The following VPS35L variants were observed in gnomAD, a reference collection of about 807,000 sequenced individuals.
VPS35L encodes VPS35 endosomal protein-sorting factor-like.
VPS35L carries 83 observed loss-of-function variants against 133.0 expected under a neutral mutation model. The observed-to-expected ratio is 0.62, with a 90% CI of 0.52 to 0.75. VPS35L has a LOEUF of 0.75. VPS35L is among the 30% of genes least tolerant of loss of function. The pLI, the probability that VPS35L is intolerant of heterozygous loss-of-function variation, is 0.00. For missense variants in VPS35L, 1,083 were observed against 1,206.8 expected (o/e 0.90, Z 1.52); for synonymous variants, 423 against 449.9 (o/e 0.94, Z 0.76).
At chr16:19,567,606 C>G (rs1376661733) in intron 2 of VPS35L, among the ~76,000 whole-genome samples, 1 of 152,064 alleles carries the variant, frequency 6.6e-6, no homozygotes, top group Non-Finnish European at 1.5e-5. Flanking sequence ...GACTGCAGTT[C>G]AACTCCATTC....
At chr16:19,599,979 C>T (rs1283608188) in intron 8 of VPS35L, among the ~76,000 whole-genome samples, 3 of 152,058 alleles carry the variant, frequency 2.0e-5, no homozygotes, top group African/African-American at 4.8e-5. Context: ...AGGTGGAGGC[C>T]GTAGTGAGCT....
chr16:19,561,306 G>A lies in VPS35L; in HGVS notation c.18-3545G>A, dbSNP rs181218670. ...GAATGGCATGAACCTGGGAGGCGGA[G>A]CTTGCACTGAGCGGAGATCGCGCCA... On this transcript the variant is annotated intron_variant, in intron 1 of 30. Coordinates refer to ENST00000417362, the MANE Select transcript of VPS35L (RefSeq NM_020314.7). Among the ~76,000 whole-genome samples, 1,106 of 152,254 alleles carry A rather than the reference G, an allele frequency of 7.3e-3. 65 individuals are homozygous for A. The highest frequency in any genetic ancestry group is 0.065 in the Admixed American group (992 of 15,282).
intron 20 of VPS35L, among the ~76,000 whole-genome samples, chr16:19,638,977 A>G (rs1973703606): frequency 6.6e-6 from 1 of 152,146 alleles, no homozygotes; most frequent in Admixed American, 6.5e-5. Flanking sequence ...GTGGTGGTGC[A>G]TGCCTGTAGT....
chr16:19,652,602 A>G (rs1280590086), intron 26 of VPS35L: 1 of 156,134 alleles, frequency 6.4e-6, no homozygotes, highest in African/African-American at 2.4e-5. Flanking sequence ...CAGACAGATC[A>G]TAGAGCACAG....
At chr16:19,610,217 C>T (rs911223183) in intron 11 of VPS35L, 105 bp from the exon 12 acceptor site, 13 of 934,546 alleles carry the variant, frequency 1.4e-5, no homozygotes, top group Non-Finnish European at 2.1e-5. Context: ...CTTGATTTTT[C>T]CCCCCCTCCC....
At chr16:19,698,547 T>C (rs775449172) in intron 29 of VPS35L, among the ~76,000 whole-genome samples, 1 of 152,148 alleles carries the variant, frequency 6.6e-6, no homozygotes, top group Non-Finnish European at 1.5e-5. Flanking sequence ...GGGACACCTC[T>C]AGAATTCTAT....
rs1423230726 is a variant in VPS35L at position 19,569,443 on chromosome 16, A to C, written c.137A>C (p.Lys46Thr). The C allele has an allele frequency of 6.3e-7, 1 of 1,597,466 alleles. No individual in the cohort carries two copies. Among genetic ancestry groups the C allele is most frequent in the Non-Finnish European group, 8.5e-7 (1 of 1,172,866 alleles). Reference protein sequence around the residue: ...KPITVTESKTKKVNRKGSTSS... With the variant: ...KPITVTESKTTKVNRKGSTSS... Reference sequence around the variant, plus strand: ...TCACAGGTCACAGAGTCAAAGACAAAGAAAGTGAACCGGAAAGGAAGCACT... The same window carrying C: ...TCACAGGTCACAGAGTCAAAGACAACGAAAGTGAACCGGAAAGGAAGCACT... The change falls in exon 3 of 31, where the codon AAG (lysine) becomes ACG (threonine). Residue 46 changes from lysine (K) to threonine (T), a missense_variant. By Grantham distance (78) the Lys-to-Thr change is moderately conservative (BLOSUM62 -1). Coordinates refer to ENST00000417362, the MANE Select transcript of VPS35L (RefSeq NM_020314.7).
chr16:19,580,269 G>A (rs1019838151), intron 6 of VPS35L, among the ~76,000 whole-genome samples: 3 of 150,224 alleles, frequency 2.0e-5, no homozygotes, highest in Non-Finnish European at 4.4e-5. Context: ...ACGCGCCACC[G>A]TGCCCAGCTA....
In VPS35L at chr16:19,570,874, TATATA is replaced by T. The variant is rs1971353985; in HGVS notation, c.285+1284_285+1288del. Among the ~76,000 whole-genome samples, 12 of 88,256 alleles carry T rather than the reference TATATA, an allele frequency of 1.4e-4. 1 individual carries two copies. Among genetic ancestry groups the T allele is most frequent in the African/African-American group, 6.6e-4 (11 of 16,748 alleles). 57.9% of individuals were successfully genotyped at this position (88,256 alleles called of 152,430 possible). Reference sequence around the variant, plus strand: ...ATATATATATATATATATATATATATATATATATATATATATTTTTGAGATGAAGT... The same window carrying T: ...ATATATATATATATATATATATATATTATATATATATTTTTGAGATGAAGT... On this transcript the variant is annotated intron_variant, in intron 3 of 30. Transcript: ENST00000417362.
Position 19,644,954 on chromosome 16 carries a change from G to T in VPS35L, c.1929+5G>T. The T allele has an allele frequency of 6.3e-7, 1 of 1,580,596 alleles. No homozygotes were observed. The highest frequency in any genetic ancestry group is 8.7e-7 in the Non-Finnish European group (1 of 1,151,920). On this transcript the variant is annotated splice_donor_5th_base_variant and intron_variant, in intron 23 of 30. Transcript: ENST00000417362. ...ATTAATGGATTTATAAAAATGGTAA[G>T]TATTAGGGAAGAAGTTTCAGTGCAC...
In VPS35L at chr16:19,573,231, A is replaced by C; in HGVS notation, c.398A>C (p.Lys133Thr). The C allele has an allele frequency of 1.2e-6, 2 of 1,613,748 alleles. No homozygotes were observed. The highest frequency in any genetic ancestry group is 1.7e-6 in the Non-Finnish European group (2 of 1,179,762). ...EILARYTTTE[K>T]LSINLFMGSE... Reference sequence around the variant, plus strand: ...CTTGCCCGGTACACCACTACCGAAAAGCTGTCTATTGTGAGTACCAGGAGA... The same window carrying C: ...CTTGCCCGGTACACCACTACCGAAACGCTGTCTATTGTGAGTACCAGGAGA... Residue 133 changes from lysine to threonine, a missense_variant, in exon 4 of 31, where the codon AAG becomes ACG. Transcript: ENST00000417362.
intron 19 of VPS35L, among the ~76,000 whole-genome samples, chr16:19,635,456 A>C (rs1362591774): frequency 6.6e-6 from 1 of 152,240 alleles, no homozygotes; most frequent in Admixed American, 6.5e-5. Context: ...TTGTGAACTA[A>C]CACAGACTAA....
intron 10 of VPS35L, 29 bp from the exon 11 acceptor site, chr16:19,608,945 A>G (rs1419689975): frequency 1.2e-6 from 2 of 1,608,566 alleles, no homozygotes; most frequent in East Asian, 2.2e-5. Flanking sequence ...CTTCTGGAAA[A>G]CATCTTCCTT....
rs1042183169 is a variant in VPS35L at position 19,633,558 on chromosome 16, G to T, written c.1635+386G>T. ...TTGAAACAGGGTCTCGCTCAGTCACGGAGGCTGGAGTGCAGTGGTGCGATC... is the reference window on the plus strand; with the variant it reads ...TTGAAACAGGGTCTCGCTCAGTCACTGAGGCTGGAGTGCAGTGGTGCGATC... On this transcript the variant is annotated intron_variant, in intron 19 of 30. Transcript: ENST00000417362. The surrounding 1 kb of genome is among the most constrained non-coding windows in gnomAD (Gnocchi z 4.1). Among the ~76,000 whole-genome samples, 6 of 151,996 alleles carry T rather than the reference G, an allele frequency of 3.9e-5. No individual in the cohort carries two copies. Among genetic ancestry groups the T allele is most frequent in the African/African-American group, 1.5e-4 (6 of 41,354 alleles).
At chr16:19,587,371 T>A in intron 7 of VPS35L, 1 of 452,044 alleles carries the variant, frequency 2.2e-6, no homozygotes, top group Non-Finnish European at 4.4e-6. Flanking sequence ...GGCTCATGCC[T>A]GTAATCCCAG....
In VPS35L at chr16:19,591,828, C is replaced by T. The variant is rs1849567087; in HGVS notation, c.678C>T (p.Phe226=). 2 of 1,612,908 alleles carry T rather than the reference C, an allele frequency of 1.2e-6. No homozygotes were observed. Among genetic ancestry groups the T allele is most frequent in the Non-Finnish European group, 1.7e-6 (2 of 1,179,226 alleles). The change falls in exon 8 of 31, where the codon TTC becomes TTT. Residue 226 remains phenylalanine, a synonymous_variant. Transcript: ENST00000417362. ...TTTCAGACACCAGTGTTATTCAGTT[C>T]TACCCAAGCAAATTTGTCCTTATCA... ...KLLSDTSVIQ[F]YPSKFVLITD...
At chr16:19,696,593 G>A (rs1488696137) in intron 29 of VPS35L, among the ~76,000 whole-genome samples, 2 of 151,936 alleles carry the variant, frequency 1.3e-5, no homozygotes, top group Non-Finnish European at 2.9e-5. Flanking sequence ...AACCTCTGTG[G>A]CGAGGGGAGG....
intron 29 of VPS35L, among the ~76,000 whole-genome samples, chr16:19,697,151 C>CT (rs1384610458): frequency 1.3e-5 from 2 of 152,212 alleles, no homozygotes; most frequent in Non-Finnish European, 2.9e-5. Context: ...GCCCGCGGGC[C>CT]TGGGCGCCCA....
At chr16:19,657,557 C>G (rs952643217) in intron 26 of VPS35L, among the ~76,000 whole-genome samples, 2 of 152,148 alleles carry the variant, frequency 1.3e-5, no homozygotes, top group Non-Finnish European at 2.9e-5. Context: ...GTCTGCTTTT[C>G]CCCCTGTAAG....
Sources: gnomAD v4.1 joint callset for allele counts (sites outside exome capture counted in the v4.1 genomes callset) on GRCh38, gnomAD v4.1.1 for gene constraint, Gnocchi (gnomAD v3.1) non-coding constraint, MANE v1.5 for transcripts, NCBI Gene and HGNC (gene_info 2026-07-23, HGNC 2026-07-21) for gene names.